Variants in EFNA5 observed in about 807,000 individuals in gnomAD.
The protein encoded by EFNA5 is ephrin-A5.
A neutral mutation model predicts 22.9 loss-of-function variants in EFNA5; 5 were observed. The observed-to-expected ratio is 0.22, with a 90% confidence interval of 0.11 to 0.46. The LOEUF is 0.46. EFNA5 is among the 20% of genes least tolerant of loss of function. The pLI is 0.99. For missense variants in EFNA5, 237 were observed against 293.3 expected (o/e 0.81, Z 1.40); for synonymous variants, 113 against 112.2 (o/e 1.01, Z -0.04).
rs1748403151 is a variant in EFNA5 at position 107,412,731 on chromosome 5, G to T, written c.418+14486C>A. The stretch of plus-strand genomic sequence containing the variant: ...CCCCAAATGGTTCTCTAAGTGAGTA[G>T]ACTGATTATTTCTTCATCCTCACCA... On this transcript the variant is annotated intron_variant, in intron 2 of 4. Coordinates refer to ENST00000333274, the MANE Select transcript of EFNA5 (RefSeq NM_001962.3). Among the ~76,000 whole-genome samples, 3 of 152,266 alleles carry T rather than the reference G, an allele frequency of 2.0e-5. No homozygotes were observed. The South Asian group carries it at 6.2e-4, about 32-fold the overall frequency.
chr5:107,451,339 A>G (rs558945288), intron 1 of EFNA5, among the ~76,000 whole-genome samples: 6 of 152,332 alleles, frequency 3.9e-5, no homozygotes, highest in East Asian at 1.9e-4. Flanking sequence ...GTCTATGCAT[A>G]TGTGTAAAGC....
intron 2 of EFNA5, among the ~76,000 whole-genome samples, chr5:107,424,014 T>C (rs1305737092): frequency 1.3e-5 from 2 of 152,128 alleles, no homozygotes; most frequent in Non-Finnish European, 2.9e-5. Flanking sequence ...AAGAATCTTC[T>C]GACTCATGTC....
At chr5:107,487,128 T>C (rs1033050029) in intron 1 of EFNA5, among the ~76,000 whole-genome samples, 6 of 152,176 alleles carry the variant, frequency 3.9e-5, no homozygotes, top group Non-Finnish European at 8.8e-5. Flanking sequence ...TGCCCACTAG[T>C]TCCCATCCTG....
chr5:107,426,456 C>A (rs1018853670), intron 2 of EFNA5, among the ~76,000 whole-genome samples: 5 of 152,156 alleles, frequency 3.3e-5, no homozygotes, highest in South Asian at 2.1e-4. Context: ...TACAAGATCC[C>A]CAGATAACAC....
intron 1 of EFNA5, among the ~76,000 whole-genome samples, chr5:107,541,393 C>T (rs775775853): frequency 2.0e-5 from 3 of 152,126 alleles, no homozygotes; most frequent in Non-Finnish European, 2.9e-5. Context: ...ATATGTTACA[C>T]ATGATAAATG....
intron 1 of EFNA5, among the ~76,000 whole-genome samples, chr5:107,538,675 CA>C (rs1340040047): frequency 6.6e-6 from 1 of 152,144 alleles, no homozygotes; most frequent in Non-Finnish European, 1.5e-5. Context: ...TGGTGTAAGC[CA>C]TTGGAGATAC....
chr5:107,631,517 A>C (rs1750250911), intron 1 of EFNA5, among the ~76,000 whole-genome samples: 1 of 152,130 alleles, frequency 6.6e-6, no homozygotes, highest in Non-Finnish European at 1.5e-5. Flanking sequence ...GATACCAAAA[A>C]ATTATTGTTT....
rs987619724 is a variant in EFNA5, at chr5:107,378,042, T to C, written c.*3213A>G. 1.3e-5 allele frequency: 2 copies of C among 152,146 alleles called. No individual in the cohort carries two copies. The highest frequency in any genetic ancestry group is 2.4e-5 in the African/African-American group (1 of 41,450). 9.4% of individuals were successfully genotyped at this position (152,146 alleles called of 1,614,324 possible). ...CTCTTTTTTTCAGCCATGGTACACA[T>C]TGGATGTTTCAAAGCCTCAATGCAT... On this transcript the variant is annotated 3_prime_UTR_variant, in exon 5 of 5. Coordinates refer to ENST00000333274, the MANE Select transcript of EFNA5 (RefSeq NM_001962.3).
chr5:107,496,214 AG>A (rs1746978237), intron 1 of EFNA5, among the ~76,000 whole-genome samples: 1 of 150,178 alleles, frequency 6.7e-6, no homozygotes, highest in Admixed American at 6.6e-5. Context: ...GCGTGGTGGC[AG>A]GCACCTGTAA....
intron 1 of EFNA5, among the ~76,000 whole-genome samples, chr5:107,607,578 A>T (rs1207578773): frequency 6.6e-6 from 1 of 152,196 alleles, no homozygotes; most frequent in Non-Finnish European, 1.5e-5. Flanking sequence ...CTACTGTTTA[A>T]ATCAATACTC....
intron 1 of EFNA5, among the ~76,000 whole-genome samples, chr5:107,554,002 G>A (rs182810720): frequency 6.6e-6 from 1 of 152,180 alleles, no homozygotes; most frequent in East Asian, 1.9e-4. Context: ...GAAAATATCT[G>A]ATACTTTACA....
chr5:107,533,384 T>C (rs1747864281), intron 1 of EFNA5, among the ~76,000 whole-genome samples: 1 of 152,190 alleles, frequency 6.6e-6, no homozygotes, highest in Admixed American at 6.5e-5. Context: ...GGCTTCTTTC[T>C]ATCTCCCCCA....
chr5:107,490,560 C>T (rs1343153204), intron 1 of EFNA5, among the ~76,000 whole-genome samples: 1 of 152,176 alleles, frequency 6.6e-6, no homozygotes, highest in African/African-American at 2.4e-5. Flanking sequence ...GGCCTGCCAG[C>T]GAGGGGGTGA....
At chr5:107,537,220 G>A (rs952753472) in intron 1 of EFNA5, among the ~76,000 whole-genome samples, 7 of 152,156 alleles carry the variant, frequency 4.6e-5, no homozygotes, top group Admixed American at 3.9e-4. Context: ...TAGACTGGGT[G>A]TGGTGGCTCA....
At chr5:107,663,447 T>C (rs1182823905) in intron 1 of EFNA5, among the ~76,000 whole-genome samples, 4 of 152,096 alleles carry the variant, frequency 2.6e-5, no homozygotes, top group African/African-American at 7.2e-5. Context: ...GTCCAAGGCA[T>C]ATACATATTT....
At chr5:107,550,016 T>G (rs1225307774) in intron 1 of EFNA5, among the ~76,000 whole-genome samples, 2 of 152,218 alleles carry the variant, frequency 1.3e-5, no homozygotes, top group African/African-American at 4.8e-5. Flanking sequence ...GTCAAACACA[T>G]TTTTAGGACA....
chr5:107,498,287 T>G (rs1747040141), intron 1 of EFNA5, among the ~76,000 whole-genome samples: 1 of 152,266 alleles, frequency 6.6e-6, no homozygotes, highest in African/African-American at 2.4e-5. Context: ...ACATGTGGAA[T>G]AATATGACAC....
At chr5:107,381,491 T>C (rs943114408) in intron 4 of EFNA5, 115 bp from the exon 5 acceptor site, 1 of 1,197,802 alleles carries the variant, frequency 8.3e-7, no homozygotes. Context: ...TAATGAACCT[T>C]GTGCCACCAT....
At chr5:107,542,841 T>C (rs1748075582) in intron 1 of EFNA5, among the ~76,000 whole-genome samples, 2 of 152,170 alleles carry the variant, frequency 1.3e-5, no homozygotes, top group Non-Finnish European at 2.9e-5. Context: ...TTTAATCACC[T>C]AAAAGGAAGT....
Sources: allele counts gnomAD v4.1 joint callset (sites outside exome capture counted in the v4.1 genomes callset), GRCh38; gene constraint gnomAD v4.1.1; transcripts MANE v1.5; gene names NCBI Gene and HGNC (gene_info 2026-07-23, HGNC 2026-07-21).